Variants in CSMD2 observed in about 807,000 individuals in gnomAD.
CSMD2 encodes CUB and sushi domain-containing protein 2.
Under a neutral mutation model 398.5 loss-of-function variants are expected in CSMD2, and 130 were observed. The ratio of observed to expected loss-of-function variants is 0.33; its 90% CI spans 0.28 to 0.38. CSMD2 has a LOEUF of 0.38. CSMD2 is among the 10% of genes least tolerant of loss of function. The pLI, the probability that CSMD2 is intolerant of heterozygous loss-of-function variation, is 1.00. For missense variants in CSMD2, 3,829 were observed against 4,764.9 expected (o/e 0.80, Z 5.78); for synonymous variants, 1,828 against 1,908.5 (o/e 0.96, Z 1.10).
At chr1:34,158,882 T>C (rs1273981422) in intron 1 of CSMD2, among the ~76,000 whole-genome samples, 1 of 152,210 alleles carries the variant, frequency 6.6e-6, no homozygotes, top group Non-Finnish European at 1.5e-5. Flanking sequence ...AATTAAATGG[T>C]AATGTCTACA....
chr1:34,091,346 T>G (rs2148374200), intron 1 of CSMD2, among the ~76,000 whole-genome samples: 1 of 152,316 alleles, frequency 6.6e-6, no homozygotes, highest in East Asian at 1.9e-4. Context: ...TTACCTATAT[T>G]GATTTGTCTA....
chr1:33,944,230 GC>G (rs35597190), intron 3 of CSMD2, among the ~76,000 whole-genome samples: 8,315 of 146,724 alleles, frequency 0.057, 297 homozygotes, highest in Middle Eastern at 0.11. Context: ...TCTCAGGAAC[GC>G]CCCCCCCCCA....
At position 33,759,003 on chromosome 1, in the gene CSMD2, T is replaced by C. The variant is rs145898056; in HGVS notation, c.1846+13566A>G. ...ATATGAGTAATAAATAAATATTTAT[T>C]GTTTCAAGTCATTGAGAGTTTCGGG... On this transcript the variant is annotated intron_variant, in intron 13 of 70. Coordinates refer to ENST00000373381, the MANE Select transcript of CSMD2 (RefSeq NM_001281956.2). Among the ~76,000 whole-genome samples, 281 of 152,346 alleles carry C rather than the reference T, an allele frequency of 1.8e-3. 1 individual carries two copies. The highest frequency in any genetic ancestry group is 6.2e-3 in the African/African-American group (256 of 41,578).
At chr1:33,606,078 A>G (rs1281576511) in intron 41 of CSMD2, 1 of 1,492,730 alleles carries the variant, frequency 6.7e-7, no homozygotes, top group Admixed American at 2.6e-5. Flanking sequence ...AGGGCAGGGA[A>G]GCTGTTTCCA....
At chr1:33,766,160 G>T (rs561891972) in intron 13 of CSMD2, among the ~76,000 whole-genome samples, 9 of 152,220 alleles carry the variant, frequency 5.9e-5, no homozygotes, top group African/African-American at 2.2e-4. Flanking sequence ...ACAAACCCAA[G>T]TACCCAGTCC....
intron 47 of CSMD2, among the ~76,000 whole-genome samples, chr1:33,583,340 A>T (rs1262690032): frequency 6.6e-6 from 1 of 152,114 alleles, no homozygotes; most frequent in Non-Finnish European, 1.5e-5. Flanking sequence ...GAGGAAGCAC[A>T]CTCTTCACTT....
chr1:34,159,859 C>T (rs994846600), intron 1 of CSMD2, among the ~76,000 whole-genome samples: 8 of 152,164 alleles, frequency 5.3e-5, no homozygotes, highest in African/African-American at 1.4e-4. Flanking sequence ...TCCTTTGGCC[C>T]CAGCTTCTAT....
intron 6 of CSMD2, among the ~76,000 whole-genome samples, chr1:33,830,713 G>C (rs1455110069): frequency 6.6e-6 from 1 of 152,232 alleles, no homozygotes; most frequent in Non-Finnish European, 1.5e-5. Flanking sequence ...AAACTACTCT[G>C]AGCTACAAGA....
chr1:33,712,833 T>C (rs1347831606), intron 21 of CSMD2, among the ~76,000 whole-genome samples: 1 of 152,134 alleles, frequency 6.6e-6, no homozygotes, highest in Non-Finnish European at 1.5e-5. Flanking sequence ...TGAGTGTGTG[T>C]GGCCAGATCA....
chr1:33,920,303 C>A (rs1209270661), intron 4 of CSMD2, among the ~76,000 whole-genome samples: 6 of 149,250 alleles, frequency 4.0e-5, no homozygotes, highest in Admixed American at 1.3e-4. Flanking sequence ...CCGAGGTGGG[C>A]GGATCAACTG....
intron 1 of CSMD2, among the ~76,000 whole-genome samples, chr1:34,108,653 T>A (rs554343359): frequency 6.6e-6 from 1 of 152,012 alleles, no homozygotes; most frequent in East Asian, 1.9e-4. Context: ...ACAAAGAGAA[T>A]TGGTGAGATA....
At chr1:33,927,145 G>A (rs541758549) in intron 4 of CSMD2, among the ~76,000 whole-genome samples, 5 of 152,264 alleles carry the variant, frequency 3.3e-5, no homozygotes, top group African/African-American at 4.8e-5. Flanking sequence ...CCAAAGTTGC[G>A]GCCCACCCCC....
chr1:33,907,039 C>G (rs899487701), intron 5 of CSMD2, among the ~76,000 whole-genome samples: 1 of 151,636 alleles, frequency 6.6e-6, no homozygotes, highest in South Asian at 2.1e-4. Flanking sequence ...ACCTGAAAAA[C>G]GCCTTCTGGC....
chr1:33,582,975 TC>T (rs1233102819), intron 47 of CSMD2, among the ~76,000 whole-genome samples: 5 of 152,220 alleles, frequency 3.3e-5, no homozygotes, highest in African/African-American at 9.6e-5. Flanking sequence ...ATTCATGGTT[TC>T]CCCCAGAGCT....
intron 1 of CSMD2, among the ~76,000 whole-genome samples, chr1:34,112,626 C>T (rs1661205296): frequency 6.6e-6 from 1 of 152,164 alleles, no homozygotes. Context: ...GTCATATGGG[C>T]AGCCTTGAGA....
intron 3 of CSMD2, among the ~76,000 whole-genome samples, chr1:34,000,623 A>G (rs1206655656): frequency 6.6e-6 from 1 of 152,210 alleles, no homozygotes; most frequent in African/African-American, 2.4e-5. Context: ...GTAGGGAACT[A>G]GCCAGAGAAG....
chr1:33,914,173 TCAGAG>T (rs1159858113), intron 5 of CSMD2, among the ~76,000 whole-genome samples: 1 of 151,886 alleles, frequency 6.6e-6, no homozygotes, highest in African/African-American at 2.4e-5. Flanking sequence ...AGTGACTGGG[TCAGAG>T]CAGAGCAGAG....
chr1:33,696,601 C>G (rs1645427541), intron 24 of CSMD2, among the ~76,000 whole-genome samples: 1 of 152,118 alleles, frequency 6.6e-6, no homozygotes, highest in African/African-American at 2.4e-5. Flanking sequence ...AGGGCATTAT[C>G]CATGTCCTTG....
At chr1:33,939,706 C>G (rs1355146195) in intron 3 of CSMD2, among the ~76,000 whole-genome samples, 2 of 152,180 alleles carry the variant, frequency 1.3e-5, no homozygotes, top group African/African-American at 4.8e-5. Flanking sequence ...AATCAGACCA[C>G]TCTGACCTGA....
Sources: allele counts gnomAD v4.1 joint callset (sites outside exome capture counted in the v4.1 genomes callset), GRCh38; gene constraint gnomAD v4.1.1; transcripts MANE v1.5; gene names NCBI Gene and HGNC (gene_info 2026-07-23, HGNC 2026-07-21).